Variants in CHIA observed in about 807,000 individuals in gnomAD.
The protein encoded by CHIA is acidic mammalian chitinase.
A neutral mutation model predicts 53.5 loss-of-function variants in CHIA; 47 were observed. That is an observed-to-expected ratio of 0.88 (90% CI 0.70 to 1.12). The LOEUF (loss-of-function observed/expected upper bound fraction) is 1.12, where lower values mean the gene tolerates loss of function less well. CHIA is among the 50% of genes most tolerant of loss of function. CHIA has a pLI of 0.00. For missense variants in CHIA, 652 were observed against 592.2 expected (o/e 1.10, Z -1.05); for synonymous variants, 268 against 222.2 (o/e 1.21, Z -1.83).
At chr1:111,307,102 T>G (rs772892880) in intron 1 of CHIA, among the ~76,000 whole-genome samples, 12 of 152,218 alleles carry the variant, frequency 7.9e-5, no homozygotes, top group Non-Finnish European at 1.6e-4. Flanking sequence ...TTCCTAGGTG[T>G]AAACACTGGA....
intron 1 of CHIA, among the ~76,000 whole-genome samples, chr1:111,293,724 T>C (rs1328882309): frequency 1.3e-5 from 2 of 152,238 alleles, no homozygotes; most frequent in Non-Finnish European, 1.5e-5. Context: ...TTTTACATCT[T>C]ACATTTAGGC....
intron 1 of CHIA, among the ~76,000 whole-genome samples, chr1:111,293,396 T>C (rs1661142746): frequency 1.3e-5 from 2 of 152,218 alleles, no homozygotes; most frequent in Admixed American, 1.3e-4. Context: ...AAGAAATAGA[T>C]ATTCAAGTCC....
rs1029407341 is a variant in CHIA at position 111,320,545 on chromosome 1, A to G, written c.*79A>G. On this transcript the variant is annotated 3_prime_UTR_variant, in exon 12 of 12. Coordinates refer to ENST00000369740, the MANE Select transcript of CHIA (RefSeq NM_201653.4). The stretch of plus-strand genomic sequence containing the variant: ...TTGCCCCTACCTAAAGTCCTGCAAT[A>G]AAATCAGCAGTCAAAACATGACTGT... 1.0e-5 allele frequency: 14 copies of G among 1,358,908 alleles called. No individual in the cohort carries two copies. The Admixed American group carries it at 2.5e-4, about 24-fold the overall frequency. 84.2% of individuals were successfully genotyped at this position (1,358,908 alleles called of 1,614,324 possible). A position where few individuals can be genotyped will look rare whatever the true frequency, so the allele number is the denominator to read the frequency against.
chr1:111,314,822 G>A (rs1649011973), intron 5 of CHIA: 2 of 504,656 alleles, frequency 4.0e-6, no homozygotes, highest in Admixed American at 3.6e-5. Flanking sequence ...TATCCACAGA[G>A]GTTTACTTAC....
chr1:111,311,634 A>T lies in CHIA; in HGVS notation c.26-55A>T, dbSNP rs1026242406. 1.9e-6 allele frequency: 3 copies of T among 1,595,232 alleles called. No homozygotes were observed. In the African/African-American group the frequency reaches 4.0e-5, roughly 21 times the overall value. On this transcript the variant is annotated intron_variant, in intron 2 of 11. Coordinates refer to ENST00000369740, the MANE Select transcript of CHIA (RefSeq NM_201653.4). ...AAGGCAATCAATCCTTCAGAATTAGATTCTACGGGGTACAGACAATCGGTT... is the reference window on the plus strand; with the variant it reads ...AAGGCAATCAATCCTTCAGAATTAGTTTCTACGGGGTACAGACAATCGGTT...
intron 1 of CHIA, among the ~76,000 whole-genome samples, chr1:111,301,177 C>T (rs933336449): frequency 5.3e-5 from 8 of 152,140 alleles, no homozygotes; most frequent in African/African-American, 1.7e-4. Context: ...TATGGTAATT[C>T]CTCAAGGATC....
intron 6 of CHIA, 154 bp from the exon 7 acceptor site, chr1:111,317,527 C>T: frequency 1.3e-6 from 1 of 769,972 alleles, no homozygotes; most frequent in Non-Finnish European, 2.1e-6. Flanking sequence ...TCTATCCGAT[C>T]TACTTTATTT....
rs199860140 is a variant in CHIA at position 111,317,702 on chromosome 1, C to T, written c.502C>T (p.Gln168Ter). ...LVQEMREAFEQEAKQINKPRL... is the reference protein window; with the variant it reads ...LVQEMREAFE Reference sequence around the variant, plus strand: ...GTAGGAAATGCGTGAAGCTTTTGAGCAGGAGGCCAAGCAGATCAACAAGCC... The same window carrying T: ...GTAGGAAATGCGTGAAGCTTTTGAGTAGGAGGCCAAGCAGATCAACAAGCC... The change falls in exon 7 of 12, where the codon CAG (glutamine) becomes TAG (stop). Residue 168 changes from glutamine (Q) to a stop codon, truncating the protein, a stop_gained. Transcript: ENST00000369740. LOFTEE classifies it high-confidence loss of function. 5.6e-6 allele frequency: 9 copies of T among 1,613,994 alleles called. No homozygotes were observed. Among genetic ancestry groups the T allele is most frequent in the African/African-American group, 5.3e-5 (4 of 74,922 alleles).
chr1:111,313,873 G>C (rs947582970), intron 4 of CHIA, among the ~76,000 whole-genome samples: 1 of 152,144 alleles, frequency 6.6e-6, no homozygotes. Context: ...ATCAGTAATG[G>C]CATTATCGTG....
chr1:111,310,901 A>AGAT (rs1249564217), intron 2 of CHIA, among the ~76,000 whole-genome samples: 1 of 152,194 alleles, frequency 6.6e-6, no homozygotes, highest in African/African-American at 2.4e-5. Flanking sequence ...GTAGGAACTG[A>AGAT]GATAGAGTTA....
intron 6 of CHIA, 53 bp from the exon 7 acceptor site, chr1:111,317,628 A>G: frequency 1.3e-6 from 2 of 1,594,594 alleles, no homozygotes; most frequent in Non-Finnish European, 1.7e-6. Context: ...AGTATTATTT[A>G]AGGAGCTAAA....
rs1205071210 is a variant in CHIA, at chr1:111,295,623, C to T, written c.-69+4673C>T. On this transcript the variant is annotated intron_variant, in intron 1 of 11. Transcript: ENST00000369740. Reference sequence around the variant, plus strand: ...ATTTCTGCATTTTCAGCTGAGGTACCGGGTTCATCTCATTGGGACTGGTTA... The same window carrying T: ...ATTTCTGCATTTTCAGCTGAGGTACTGGGTTCATCTCATTGGGACTGGTTA... Among the ~76,000 whole-genome samples, 9 of 150,574 alleles carry T rather than the reference C, an allele frequency of 6.0e-5. No individual in the cohort carries two copies. The East Asian group carries it at 7.8e-4, about 13-fold the overall frequency.
intron 1 of CHIA, among the ~76,000 whole-genome samples, chr1:111,292,509 T>G (rs1427735559): frequency 6.6e-6 from 1 of 152,226 alleles, no homozygotes; most frequent in Non-Finnish European, 1.5e-5. Flanking sequence ...ACTGGCATTC[T>G]CACTTACATT....
intron 11 of CHIA, 66 bp from the exon 12 acceptor site, chr1:111,320,147 A>G: frequency 6.8e-7 from 1 of 1,471,090 alleles, no homozygotes; most frequent in Admixed American, 1.8e-5. Flanking sequence ...AGTTCTCTTC[A>G]CCTCTAGGTG....
Position 111,319,231 on chromosome 1 carries a change from G to C in CHIA, c.1027G>C (p.Asp343His), listed in dbSNP as rs972283710. The C allele has an allele frequency of 1.9e-6, 3 of 1,614,050 alleles. No homozygotes were observed. Among genetic ancestry groups the C allele is most frequent in the Non-Finnish European group, 2.5e-6 (3 of 1,180,022 alleles). The change falls in exon 10 of 12, where the codon GAT (aspartate) becomes CAT (histidine). Residue 343 changes from aspartate (D) to histidine (H), a missense_variant. Transcript: ENST00000369740. ...WVGYDNIKSF[D>H]IKAQWLKHNK... ...TGGCTATGACAACATCAAGAGCTTC[G>C]ATATTAAGGTAAGATCAGTCCCTTA...
rs560322886 is a variant in CHIA, at chr1:111,291,234, T to C, written c.-69+284T>C. 1.8e-3 allele frequency among the ~76,000 whole-genome samples: 276 copies of C among 152,196 alleles called. 1 individual carries two copies. The highest frequency in any genetic ancestry group is 4.1e-3 in the Admixed American group (63 of 15,294). ...CACGTATGGTTATTGCAGCACTATTTACAATAGCAAAGACATGGAACCAAC... is the reference window on the plus strand; with the variant it reads ...CACGTATGGTTATTGCAGCACTATTCACAATAGCAAAGACATGGAACCAAC... On this transcript the variant is annotated intron_variant, in intron 1 of 11. Transcript: ENST00000369740.
At chr1:111,295,932 C>T (rs570445826) in intron 1 of CHIA, among the ~76,000 whole-genome samples, 2 of 152,226 alleles carry the variant, frequency 1.3e-5, no homozygotes, top group Non-Finnish European at 2.9e-5. Context: ...TCAGTGGGTC[C>T]CATGCTCATG....
intron 3 of CHIA, among the ~76,000 whole-genome samples, 198 bp from the exon 4 acceptor site, chr1:111,311,988 TAAAA>T (rs1168785869): frequency 6.6e-6 from 1 of 152,114 alleles, no homozygotes; most frequent in Non-Finnish European, 1.5e-5. Flanking sequence ...CTGTGAAAGT[TAAAA>T]ATAAACAACT....
intron 1 of CHIA, among the ~76,000 whole-genome samples, chr1:111,305,325 G>T (rs941444499): frequency 1.3e-5 from 2 of 152,194 alleles, no homozygotes; most frequent in African/African-American, 4.8e-5. Context: ...TTCATCCAGA[G>T]GGGAAGTAGC....
Sources: gnomAD v4.1 joint callset for allele counts (sites outside exome capture counted in the v4.1 genomes callset) on GRCh38, gnomAD v4.1.1 for gene constraint, MANE v1.5 for transcripts, NCBI Gene and HGNC (gene_info 2026-07-23, HGNC 2026-07-21) for gene names.